THBS4: variants seen among roughly 807,000 people sequenced by gnomAD.
THBS4 encodes the protein thrombospondin 4.
Under a neutral mutation model 115.7 loss-of-function variants are expected in THBS4, and 90 were observed. The observed-to-expected ratio is 0.78, with a 90% CI of 0.66 to 0.93. The LOEUF (loss-of-function observed/expected upper bound fraction) is 0.93, where lower values mean the gene tolerates loss of function less well. Ranked by LOEUF, THBS4 falls within the 40% of genes least tolerant of loss-of-function variation. The pLI is 0.00. For missense variants in THBS4, 1,087 were observed against 1,232.7 expected (o/e 0.88, Z 1.77); for synonymous variants, 460 against 479.3 (o/e 0.96, Z 0.53).
chr5:80,030,023 G>C (rs1832555710), intron 2 of THBS4, among the ~76,000 whole-genome samples: 1 of 151,244 alleles, frequency 6.6e-6, no homozygotes, highest in Admixed American at 6.6e-5. Flanking sequence ...AAAGACTCCA[G>C]CTTCATTTAC....
At chr5:80,069,592 C>T (rs935011207) in intron 10 of THBS4, among the ~76,000 whole-genome samples, 29 of 152,194 alleles carry the variant, frequency 1.9e-4, no homozygotes, top group African/African-American at 4.8e-4. Flanking sequence ...ATAAACTTGG[C>T]GTGACTACTA....
At position 80,082,257 on chromosome 5, in the gene THBS4, A is replaced by G. The variant is rs1359632369; in HGVS notation, c.2685-149A>G. 11 of 1,019,398 alleles carry G rather than the reference A, an allele frequency of 1.1e-5. No individual in the cohort carries two copies. The Admixed American group carries it at 2.6e-4, about 24-fold the overall frequency. The allele number at this position is 1,019,398 out of a possible 1,614,324, so 63.1% of individuals were successfully genotyped here. A position where few individuals can be genotyped will look rare whatever the true frequency, so the allele number is the denominator to read the frequency against. On this transcript the variant is annotated intron_variant, in intron 20 of 21. Transcript: ENST00000350881. ...CTAGTAAGTAAGTGGCAACAGCTAC[A>G]GTACAATCCAGGTCAGCGAAAAATG... is the stretch of plus-strand genomic sequence containing the variant.
upstream of THBS4, among the ~76,000 whole-genome samples, chr5:80,034,425 T>C (rs1414388556): frequency 1.3e-5 from 2 of 152,252 alleles, no homozygotes; most frequent in Non-Finnish European, 2.9e-5. Flanking sequence ...TGCTGGATGT[T>C]CTCCATTAGT....
At chr5:80,032,894 A>G (rs138552620), upstream of THBS4, among the ~76,000 whole-genome samples, 1 of 152,222 alleles carries the variant, frequency 6.6e-6, no homozygotes, top group Admixed American at 6.5e-5. Context: ...ACATCCTTCA[A>G]TCCAGTCAAG....
intron 1 of THBS4, among the ~76,000 whole-genome samples, chr5:79,991,840 C>T (rs1274162681): frequency 6.6e-6 from 1 of 152,198 alleles, no homozygotes. Context: ...AACTCACCTT[C>T]CCTGTGATGT....
chr5:80,066,694 G>T, intron 9 of THBS4: 1 of 152,374 alleles, frequency 6.6e-6, no homozygotes, highest in Non-Finnish European at 1.5e-5. Flanking sequence ...TCTCCGCAAT[G>T]CTATATTGCT....
chr5:80,039,029 T>C (rs1832808785), intron 1 of THBS4, among the ~76,000 whole-genome samples: 1 of 152,256 alleles, frequency 6.6e-6, no homozygotes, highest in Non-Finnish European at 1.5e-5. Context: ...ATATACTTAA[T>C]GGTCATTGTA....
At chr5:80,070,171 A>T in intron 10 of THBS4, 135 bp from the exon 11 acceptor site, 1 of 639,096 alleles carries the variant, frequency 1.6e-6, no homozygotes, top group Non-Finnish European at 2.7e-6. Flanking sequence ...ATAGTTTCTA[A>T]GCCCCACCCA....
Position 80,073,288 on chromosome 5 carries a change from A to G in THBS4, c.1853A>G (p.Asn618Ser). 6.2e-7 allele frequency: 1 copy of G among 1,614,020 alleles called. No individual in the cohort carries two copies. The change falls in exon 15 of 22, where the codon AAT becomes AGT. Residue 618 changes from asparagine to serine, a missense_variant. Asn to Ser is a conservative substitution (Grantham distance 46). Around this residue, in one of 3 missense-constraint regions of THBS4, gnomAD observed 979 missense variants for 1,103.7 expected, o/e 0.89. Transcript: ENST00000350881. ...VSNPNQSDVDNDLVGDSCDTN... is the reference protein window; with the variant it reads ...VSNPNQSDVDSDLVGDSCDTN... ...TTCTCTTTGCAGTCTGATGTGGATA[A>G]TGATCTGGTTGGGGACTCCTGTGAC... is the stretch of plus-strand genomic sequence containing the variant.
chr5:80,040,328 T>C, intron 2 of THBS4, 48 bp downstream of exon 2: 1 of 1,459,580 alleles, frequency 6.9e-7, no homozygotes, highest in African/African-American at 1.4e-5. Flanking sequence ...CCTTTTTCTA[T>C]TCCAGGATTA....
At chr5:80,021,563 G>A (rs1337244402) in intron 2 of THBS4, among the ~76,000 whole-genome samples, 3 of 151,816 alleles carry the variant, frequency 2.0e-5, no homozygotes, top group Non-Finnish European at 2.9e-5. Context: ...CTGGAGTGTC[G>A]TGGTACAGTC....
upstream of THBS4, among the ~76,000 whole-genome samples, chr5:80,034,274 G>A (rs760441214): frequency 6.6e-6 from 1 of 152,226 alleles, no homozygotes; most frequent in South Asian, 2.1e-4. Context: ...TCTCCAAGTC[G>A]CTAGCTGTAA....
chr5:80,027,586 A>G (rs1034053134), intron 2 of THBS4, among the ~76,000 whole-genome samples: 18 of 152,002 alleles, frequency 1.2e-4, no homozygotes, highest in African/African-American at 3.9e-4. Context: ...AAAATGAAAA[A>G]CCCGTTACAA....
At chr5:80,020,825 G>A (rs557513562) in intron 2 of THBS4, among the ~76,000 whole-genome samples, 3 of 152,302 alleles carry the variant, frequency 2.0e-5, no homozygotes, top group Admixed American at 6.5e-5. Flanking sequence ...ATTACATGGG[G>A]CACAGAAAGA....
At position 80,083,232 on chromosome 5, in the gene THBS4, T is replaced by C. The variant is rs1743620590; in HGVS notation, c.*91T>C. The C allele has an allele frequency of 1.8e-6, 2 of 1,121,366 alleles. No homozygotes were observed. The highest frequency in any genetic ancestry group is 1.3e-5 in the South Asian group (1 of 79,116). 69.5% of individuals were successfully genotyped at this position (1,121,366 alleles called of 1,614,324 possible). On this transcript the variant is annotated 3_prime_UTR_variant, in exon 22 of 22. Transcript: ENST00000350881. ...TCTTTAGCTTTTACCAACCCAAATATATCAAAACGTTTTATGTGAATGTGG... is the reference window on the plus strand; with the variant it reads ...TCTTTAGCTTTTACCAACCCAAATACATCAAAACGTTTTATGTGAATGTGG...
intron 2 of THBS4, among the ~76,000 whole-genome samples, chr5:80,040,830 C>A (rs894210968): frequency 2.0e-5 from 3 of 152,160 alleles, no homozygotes; most frequent in African/African-American, 7.2e-5. Context: ...TGGCTTCTGA[C>A]AAGGACTTTC....
At chr5:79,996,069 A>G (rs969620333) in intron 1 of THBS4, among the ~76,000 whole-genome samples, 13 of 152,168 alleles carry the variant, frequency 8.5e-5, no homozygotes, top group Middle Eastern at 3.4e-3. Context: ...CCCAGGTGGC[A>G]GAGGTTGCAG....
intron 2 of THBS4, among the ~76,000 whole-genome samples, chr5:80,028,425 A>C (rs1015153112): frequency 2.6e-5 from 4 of 151,650 alleles, no homozygotes; most frequent in African/African-American, 9.7e-5. Flanking sequence ...AGTCGATACT[A>C]TACACTATAC....
rs182022343 is a variant in THBS4, at chr5:80,077,524, G to T, written c.2086+476G>T. On this transcript the variant is annotated intron_variant, in intron 16 of 21. Coordinates refer to ENST00000350881, the MANE Select transcript of THBS4 (RefSeq NM_003248.6). Reference sequence around the variant, plus strand: ...CACCAAGCCAGACATGAGACAGCAGGGAGTGTTGGGGACTGAAGTGACCTG... The same window carrying T: ...CACCAAGCCAGACATGAGACAGCAGTGAGTGTTGGGGACTGAAGTGACCTG... Among the ~76,000 whole-genome samples, 239 of 152,334 alleles carry T rather than the reference G, an allele frequency of 1.6e-3. 1 individual carries two copies. The highest frequency in any genetic ancestry group is 3.4e-3 in the Middle Eastern group (1 of 294).
Sources: allele counts gnomAD v4.1 joint callset (sites outside exome capture counted in the v4.1 genomes callset), GRCh38; gene constraint gnomAD v4.1.1; regional missense constraint gnomAD v4.1.1; transcripts MANE v1.5; gene names NCBI Gene and HGNC (gene_info 2026-07-23, HGNC 2026-07-21).